DMD: variants seen among roughly 807,000 people sequenced by gnomAD.
The protein encoded by DMD is dystrophin, also known as mutant dystrophin.
A neutral mutation model predicts 330.1 loss-of-function variants in DMD; 63 were observed. The ratio of observed to expected loss-of-function variants is 0.19; its 90% CI spans 0.16 to 0.24. DMD has a LOEUF of 0.24. DMD is among the 10% of genes least tolerant of loss of function. DMD has a pLI of 1.00. For synonymous variants in DMD, 1,223 were observed against 959.8 expected, an observed-to-expected ratio of 1.27 and a Z score of -5.07; for missense variants, 3,344 against 2,684.1, an observed-to-expected ratio of 1.25 and a Z score of -5.43.
intron 1 of DMD, among the ~76,000 whole-genome samples, chrX:33,111,694 C>A (rs984451627): frequency 9.0e-6 from 1 of 111,473 alleles, no homozygotes; most frequent in African/African-American, 3.3e-5. Flanking sequence ...GCAACCTCTG[C>A]CTCTGGGGTT....
At chrX:32,545,135 G>T (rs1443649727) in intron 17 of DMD, 24 bp downstream of exon 17, 18 of 1,198,220 alleles carry the variant, frequency 1.5e-5, no homozygotes, top group Admixed American at 2.2e-5. Flanking sequence ...TTCATTTGCA[G>T]ATAAAAGCTT....
At chrX:32,791,984 G>A (rs968329132) in intron 7 of DMD, among the ~76,000 whole-genome samples, 1 of 111,511 alleles carries the variant, frequency 9.0e-6, no homozygotes, top group Non-Finnish European at 1.9e-5. Context: ...TCTAAAAACA[G>A]CAAGAGAAAA....
At chrX:31,869,859 C>T (rs73466014) in intron 48 of DMD, among the ~76,000 whole-genome samples, 1,120 of 111,517 alleles carry the variant, frequency 0.01, 14 homozygotes, top group African/African-American at 0.034. Flanking sequence ...CTCACTCTAC[C>T]ATCTGAGAAT....
intron 7 of DMD, among the ~76,000 whole-genome samples, chrX:32,738,416 T>C (rs1420912499): frequency 4.5e-5 from 5 of 111,647 alleles, no homozygotes; most frequent in African/African-American, 1.6e-4. Context: ...ATGGGTAAAT[T>C]CCTTTCTCTC....
chrX:31,725,554 T>C (rs1046422014), intron 52 of DMD, among the ~76,000 whole-genome samples: 8 of 112,214 alleles, frequency 7.1e-5, no homozygotes, highest in African/African-American at 2.6e-4. Context: ...AATTATTTCA[T>C]CTAATCCTCC....
At chrX:31,209,788 T>G in intron 64 of DMD, 89 bp from the exon 65 acceptor site, 1 of 880,367 alleles carries the variant, frequency 1.1e-6, no homozygotes, top group South Asian at 2.1e-5. Context: ...TAGCTAGGAC[T>G]CTCTCATACC....
intron 2 of DMD, among the ~76,000 whole-genome samples, chrX:32,931,500 G>T (rs990717961): frequency 9.0e-6 from 1 of 111,643 alleles, no homozygotes; most frequent in African/African-American, 3.3e-5. Flanking sequence ...TGAATCTTTT[G>T]TTCACATGTA....
intron 2 of DMD, among the ~76,000 whole-genome samples, chrX:32,872,067 G>C (rs1273334361): frequency 9.0e-6 from 1 of 111,354 alleles, no homozygotes; most frequent in Non-Finnish European, 1.9e-5. Flanking sequence ...GTCATCGTTG[G>C]TGGTGACATG....
chrX:32,433,484 C>T (rs1242014887), intron 29 of DMD, among the ~76,000 whole-genome samples: 4 of 111,861 alleles, frequency 3.6e-5, no homozygotes, highest in African/African-American at 1.3e-4. Flanking sequence ...TTGAGGCCAG[C>T]CTGGCCAACA....
intron 55 of DMD, among the ~76,000 whole-genome samples, chrX:31,572,141 TA>T (rs2075856240): frequency 9.1e-6 from 1 of 109,875 alleles, no homozygotes; most frequent in African/African-American, 3.3e-5. Context: ...AAATAAAAGT[TA>T]AAAAAATGAA....
intron 2 of DMD, among the ~76,000 whole-genome samples, chrX:33,013,855 G>A (rs1602712117): frequency 8.9e-6 from 1 of 112,259 alleles, no homozygotes; most frequent in Admixed American, 9.5e-5. Context: ...GCGTGTGTGT[G>A]TTTGTGTGTA....
intron 44 of DMD, among the ~76,000 whole-genome samples, chrX:32,196,986 C>CAAAAAAAAAAAAAAAAAAAAAAAAAA (rs71872245): frequency 4.0e-5 from 2 of 49,640 alleles, no homozygotes; most frequent in African/African-American, 9.7e-5. Context: ...GACTCCATCT[C>CAAAAAAAAAAAAAAAAAAAAAAAAAA]AAAAAAAAAA....
chrX:32,101,050 A>C (rs1357234388), intron 44 of DMD, among the ~76,000 whole-genome samples: 1 of 112,207 alleles, frequency 8.9e-6, no homozygotes, highest in Non-Finnish European at 1.9e-5. Flanking sequence ...CATCACAGAC[A>C]ATGTGATTAA....
At chrX:33,223,568 C>T (rs773563264) in intron 1 of DMD, among the ~76,000 whole-genome samples, 2 of 112,052 alleles carry the variant, frequency 1.8e-5, no homozygotes, top group South Asian at 3.7e-4. Flanking sequence ...ATGCAAACAC[C>T]TTTCACAAAC....
intron 1 of DMD, among the ~76,000 whole-genome samples, chrX:33,061,561 T>G (rs921972266): frequency 5.4e-5 from 6 of 111,546 alleles, no homozygotes; most frequent in Non-Finnish European, 9.4e-5. Flanking sequence ...ATCTGGGTGT[T>G]GTTTTTGCAG....
intron 50 of DMD, among the ~76,000 whole-genome samples, chrX:31,782,211 AAG>A (rs1230042323): frequency 9.0e-6 from 1 of 111,482 alleles, no homozygotes; most frequent in Non-Finnish European, 1.9e-5. Flanking sequence ...CACTTTTGTC[AAG>A]AGATATTCCA....
chrX:32,360,155 T>C (rs1047784512), intron 37 of DMD, among the ~76,000 whole-genome samples: 91 of 112,041 alleles, frequency 8.1e-4, no homozygotes, highest in African/African-American at 2.8e-3. Flanking sequence ...CCCATGAAGA[T>C]GAATTAGTGT....
intron 78 of DMD, among the ~76,000 whole-genome samples, chrX:31,122,975 T>C (rs1483579362): frequency 8.9e-6 from 1 of 111,975 alleles, no homozygotes; most frequent in Non-Finnish European, 1.9e-5. Context: ...ATTCAAGTAT[T>C]GTCTTTGGAA....
intron 60 of DMD, among the ~76,000 whole-genome samples, chrX:31,426,269 T>G (rs2063709904): frequency 8.9e-6 from 1 of 112,324 alleles, no homozygotes; most frequent in African/African-American, 3.2e-5. Context: ...GAATTAATAA[T>G]TTAATCAAGT....
Sources: gnomAD v4.1 joint callset for allele counts (sites outside exome capture counted in the v4.1 genomes callset) on GRCh38, gnomAD v4.1.1 for gene constraint, MANE v1.5 for transcripts, NCBI Gene and HGNC (gene_info 2026-07-23, HGNC 2026-07-21) for gene names.